Variants in PTPRD observed in about 807,000 individuals in gnomAD.
The protein encoded by PTPRD is protein tyrosine phosphatase receptor type D.
Under a neutral mutation model 214.5 loss-of-function variants are expected in PTPRD, and 34 were observed. The ratio of observed to expected loss-of-function variants is 0.16; its 90% CI spans 0.12 to 0.21. The LOEUF (loss-of-function observed/expected upper bound fraction) is 0.21, where lower values mean the gene tolerates loss of function less well. PTPRD is among the 10% of genes least tolerant of loss of function. The pLI, the probability that PTPRD is intolerant of heterozygous loss-of-function variation, is 1.00. For synonymous variants in PTPRD, 1,128 were observed against 845.7 expected (o/e 1.33, Z -5.79); for missense variants, 2,545 against 2,398.7 (o/e 1.06, Z -1.27).
intron 9 of PTPRD, among the ~76,000 whole-genome samples, chr9:9,339,230 C>G (rs961601810): frequency 6.6e-6 from 1 of 151,844 alleles, no homozygotes; most frequent in Non-Finnish European, 1.5e-5. Flanking sequence ...GTAATCCCAG[C>G]ACTTTGGGAG....
Position 8,397,183 on chromosome 9 carries a change from G to C in PTPRD, c.4210+7354C>G, listed in dbSNP as rs780619152. Among the ~76,000 whole-genome samples, 7 of 152,030 alleles carry C rather than the reference G, an allele frequency of 4.6e-5. No homozygotes were observed. The South Asian group carries it at 1.5e-3, about 32-fold the overall frequency. ...CAAATTTCCTTTAGTACCTTAAATA[G>C]AATTTCAAGAGCAAGGTAAAACAAA... On this transcript the variant is annotated intron_variant, in intron 36 of 45. Coordinates refer to ENST00000381196, the MANE Select transcript of PTPRD (RefSeq NM_002839.4).
chr9:9,913,521 G>C (rs1348269017), intron 5 of PTPRD, among the ~76,000 whole-genome samples: 1 of 152,138 alleles, frequency 6.6e-6, no homozygotes, highest in Non-Finnish European at 1.5e-5. Context: ...CTGGAGTGTC[G>C]AAGGGAAAGG....
chr9:9,937,153 C>G (rs1302163367), intron 5 of PTPRD, among the ~76,000 whole-genome samples: 4 of 151,720 alleles, frequency 2.6e-5, no homozygotes, highest in Non-Finnish European at 5.9e-5. Flanking sequence ...TGCAGCGCAC[C>G]AGCATGGCAC....
rs1296010565 is a variant in PTPRD, at chr9:9,179,693, G to C, written c.-143+3611C>G. Among the ~76,000 whole-genome samples, 4 of 152,056 alleles carry C rather than the reference G, an allele frequency of 2.6e-5. No homozygotes were observed. In the East Asian group the frequency reaches 5.8e-4, roughly 22 times the overall value. ...TAGACACTTAAGGAGGAACTGGCAG[G>C]ATAATGGAAACCTGATTCTTTTGCC... On this transcript the variant is annotated intron_variant, in intron 10 of 45. Coordinates refer to ENST00000381196, the MANE Select transcript of PTPRD (RefSeq NM_002839.4).
intron 2 of PTPRD, among the ~76,000 whole-genome samples, chr9:10,400,283 G>C (rs965169837): frequency 6.6e-6 from 1 of 151,814 alleles, no homozygotes; most frequent in Non-Finnish European, 1.5e-5. Flanking sequence ...ATTTACAACA[G>C]AGAAAGTCTT....
At chr9:8,607,083 G>T (rs1419738046) in intron 14 of PTPRD, among the ~76,000 whole-genome samples, 4 of 152,144 alleles carry the variant, frequency 2.6e-5, no homozygotes. Context: ...CAAAATTTTG[G>T]TTAGGAGAAA....
chr9:8,710,661 A>C (rs907428743), intron 12 of PTPRD, among the ~76,000 whole-genome samples: 1 of 152,156 alleles, frequency 6.6e-6, no homozygotes, highest in Non-Finnish European at 1.5e-5. Flanking sequence ...CAGTAATAGG[A>C]TATCAAAAAT....
At chr9:8,442,947 C>G (rs1050307059) in intron 34 of PTPRD, among the ~76,000 whole-genome samples, 2 of 152,144 alleles carry the variant, frequency 1.3e-5, no homozygotes, top group African/African-American at 2.4e-5. Context: ...TTCTGTCCAG[C>G]CTGGGCAACA....
chr9:10,052,342 G>A (rs1050566190), intron 3 of PTPRD, among the ~76,000 whole-genome samples: 6 of 152,126 alleles, frequency 3.9e-5, no homozygotes, highest in Admixed American at 1.3e-4. Flanking sequence ...AAAGGCGCCT[G>A]CTTAGTGGCA....
At chr9:8,782,813 C>T (rs2095788350) in intron 11 of PTPRD, among the ~76,000 whole-genome samples, 1 of 152,066 alleles carries the variant, frequency 6.6e-6, no homozygotes, top group Non-Finnish European at 1.5e-5. Flanking sequence ...TCAGGCTGGT[C>T]TCGAACTCCT....
chr9:8,320,395 C>T (rs953577783), intron 44 of PTPRD, among the ~76,000 whole-genome samples: 3 of 152,042 alleles, frequency 2.0e-5, no homozygotes, highest in Non-Finnish European at 2.9e-5. Flanking sequence ...TCACACTGTT[C>T]ACATTTTGCA....
In PTPRD at chr9:9,289,510, AT is replaced by A. The variant is rs200361453; in HGVS notation, c.-202-106148del. Among the ~76,000 whole-genome samples, 583 of 151,912 alleles carry A rather than the reference AT, an allele frequency of 3.8e-3. 7 individuals are homozygous for A. The highest frequency in any genetic ancestry group is 0.027 in the East Asian group (137 of 5,114). Reference sequence around the variant, plus strand: ...GTGTGTGTGTGTCTGCTCTCTTCAAATTTTAAGTAAACAATACAGCATAATT... The same window carrying A: ...GTGTGTGTGTGTCTGCTCTCTTCAAATTTAAGTAAACAATACAGCATAATT... On this transcript the variant is annotated intron_variant, in intron 9 of 45. Transcript: ENST00000381196.
At chr9:9,022,059 G>A (rs2154370397) in intron 10 of PTPRD, among the ~76,000 whole-genome samples, 1 of 152,012 alleles carries the variant, frequency 6.6e-6, no homozygotes, top group African/African-American at 2.4e-5. Flanking sequence ...GTTCATAGGT[G>A]CAGCAGACCA....
At chr9:8,928,958 G>C (rs2098924623) in intron 11 of PTPRD, among the ~76,000 whole-genome samples, 1 of 152,114 alleles carries the variant, frequency 6.6e-6, no homozygotes, top group South Asian at 2.1e-4. Context: ...TAGCAATTGT[G>C]AATGAGAGTT....
intron 8 of PTPRD, among the ~76,000 whole-genome samples, chr9:9,508,986 A>G (rs1173937068): frequency 1.3e-5 from 2 of 151,534 alleles, no homozygotes; most frequent in Non-Finnish European, 3.0e-5. Context: ...AACCGTTCCA[A>G]TTGTCCAACT....
intron 3 of PTPRD, among the ~76,000 whole-genome samples, chr9:10,252,453 C>T (rs1269122458): frequency 6.6e-6 from 1 of 152,118 alleles, no homozygotes; most frequent in Non-Finnish European, 1.5e-5. Context: ...AAGCTAAAGC[C>T]TTTGAAGTAA....
At chr9:10,044,183 T>A (rs774838422) in intron 3 of PTPRD, among the ~76,000 whole-genome samples, 2 of 150,886 alleles carry the variant, frequency 1.3e-5, no homozygotes, top group Non-Finnish European at 3.0e-5. Flanking sequence ...ATTCTCCCTA[T>A]AATTGTGTTT....
intron 8 of PTPRD, among the ~76,000 whole-genome samples, chr9:9,405,991 A>G (rs2073165524): frequency 1.3e-5 from 2 of 151,934 alleles, no homozygotes; most frequent in African/African-American, 4.8e-5. Context: ...TAATTTTGCT[A>G]TTATTTTCCC....
intron 7 of PTPRD, among the ~76,000 whole-genome samples, chr9:9,641,179 A>G (rs1401183071): frequency 7.2e-6 from 1 of 138,242 alleles, no homozygotes; most frequent in African/African-American, 2.5e-5. Context: ...TAGCAAATGT[A>G]GCTCCTTGAG....
Sources: gnomAD v4.1 joint callset for allele counts (sites outside exome capture counted in the v4.1 genomes callset) on GRCh38, gnomAD v4.1.1 for gene constraint, MANE v1.5 for transcripts, NCBI Gene and HGNC (gene_info 2026-07-23, HGNC 2026-07-21) for gene names.